The following TTBK2 variants were observed in gnomAD, a reference collection of about 807,000 sequenced individuals.
The protein encoded by TTBK2 is tau-tubulin kinase 2.
Under a neutral mutation model 110.8 loss-of-function variants are expected in TTBK2, and 28 were observed. That is an observed-to-expected ratio of 0.25 (90% CI 0.19 to 0.35). The LOEUF is 0.35. TTBK2 is among the 10% of genes least tolerant of loss of function. The probability of loss-of-function intolerance (pLI) is 1.00; values close to 1 mark genes in which losing one functional copy is unlikely to be tolerated. For synonymous variants in TTBK2, 532 were observed against 527.3 expected (o/e 1.01, Z -0.12); for missense variants, 1,369 against 1,500.3 (o/e 0.91, Z 1.45).
chr15:42,832,690 C>A (rs756885431), intron 4 of TTBK2, among the ~76,000 whole-genome samples: 24 of 152,218 alleles, frequency 1.6e-4, no homozygotes, highest in South Asian at 4.2e-4. Flanking sequence ...ACTTTACAGG[C>A]CATTCTGAGT....
intron 1 of TTBK2, among the ~76,000 whole-genome samples, chr15:42,907,633 G>A (rs1015217066): frequency 5.3e-5 from 8 of 152,050 alleles, no homozygotes; most frequent in African/African-American, 1.9e-4. Context: ...AAGATAGAGA[G>A]TAGATTGGTG....
chr15:42,872,506 T>G, intron 3 of TTBK2, 105 bp downstream of exon 3: 1 of 1,360,494 alleles, frequency 7.4e-7, no homozygotes, highest in Non-Finnish European at 1.0e-6. Flanking sequence ...CTGACACCAG[T>G]ACATTCAATT....
chr15:42,757,181 A>G (rs2061959059), intron 13 of TTBK2, among the ~76,000 whole-genome samples: 1 of 151,916 alleles, frequency 6.6e-6, no homozygotes, highest in African/African-American at 2.4e-5. Flanking sequence ...ATCACAGCTC[A>G]CTGCAGCCTC....
At chr15:42,909,105 T>C (rs1311467504) in intron 1 of TTBK2, among the ~76,000 whole-genome samples, 1 of 152,120 alleles carries the variant, frequency 6.6e-6, no homozygotes, top group Non-Finnish European at 1.5e-5. Flanking sequence ...CTGAATTCTG[T>C]TTTGTTGTTG....
In TTBK2 at chr15:42,816,091, T is replaced by A. The variant is rs1015464928; in HGVS notation, c.603+941A>T. Among the ~76,000 whole-genome samples the A allele has an allele frequency of 4.7e-3, 490 of 103,770 alleles. 6 individuals are homozygous for A. The highest frequency in any genetic ancestry group is 0.021 in the African/African-American group (442 of 21,056). The allele number at this position is 103,770 out of a possible 152,430, so 68.1% of individuals were successfully genotyped here. ...ATATAAAAATAAATAAATAAATATA[T>A]ATATATATATATATATATATATATA... On this transcript the variant is annotated intron_variant, in intron 7 of 14. Coordinates refer to ENST00000267890, the MANE Select transcript of TTBK2 (RefSeq NM_173500.4).
At chr15:42,763,106 A>ATATATATATATATATG (rs1567008457) in intron 13 of TTBK2, among the ~76,000 whole-genome samples, 1 of 113,520 alleles carries the variant, frequency 8.8e-6, no homozygotes, top group East Asian at 2.9e-4. Context: ...ATATATACGT[A>ATATATATATATATATG]TATATATATA....
intron 1 of TTBK2, among the ~76,000 whole-genome samples, chr15:42,906,607 A>T (rs1309206740): frequency 6.6e-6 from 1 of 152,222 alleles, no homozygotes; most frequent in Non-Finnish European, 1.5e-5. Context: ...ACACACCAGT[A>T]CACTGGTCTA....
intron 1 of TTBK2, among the ~76,000 whole-genome samples, chr15:42,897,938 C>T (rs1267461240): frequency 2.0e-5 from 3 of 151,926 alleles, no homozygotes; most frequent in Non-Finnish European, 4.4e-5. Flanking sequence ...GGCAGTAATC[C>T]TAGCACTTTG....
intron 7 of TTBK2, among the ~76,000 whole-genome samples, chr15:42,815,063 A>C (rs893563773): frequency 1.3e-5 from 2 of 152,256 alleles, no homozygotes; most frequent in Non-Finnish European, 2.9e-5. Flanking sequence ...CTTAAAAATA[A>C]TGTATTTTCA....
chr15:42,802,329 C>T (rs762634769), intron 9 of TTBK2: 3 of 771,286 alleles, frequency 3.9e-6, no homozygotes, highest in South Asian at 2.7e-5. Flanking sequence ...CAGGCCCACT[C>T]GTGTAGGAGA....
chr15:42,911,157 T>C (rs890572566), intron 1 of TTBK2, among the ~76,000 whole-genome samples: 5 of 152,108 alleles, frequency 3.3e-5, no homozygotes, highest in African/African-American at 9.7e-5. Flanking sequence ...AGGATTGTCA[T>C]ACAAAGTTTC....
At chr15:42,910,842 G>A (rs1281477942) in intron 1 of TTBK2, among the ~76,000 whole-genome samples, 3 of 151,936 alleles carry the variant, frequency 2.0e-5, no homozygotes, top group Non-Finnish European at 4.4e-5. Context: ...TGAGGAGTTC[G>A]AGACCAGCCT....
chr15:42,821,988 C>A (rs1055974523), intron 6 of TTBK2, among the ~76,000 whole-genome samples: 6 of 150,620 alleles, frequency 4.0e-5, no homozygotes, highest in Non-Finnish European at 8.9e-5. Context: ...CCATGCCCAG[C>A]CTCTTGCCAG....
At chr15:42,912,545 C>T (rs572745093) in intron 1 of TTBK2, among the ~76,000 whole-genome samples, 2 of 152,056 alleles carry the variant, frequency 1.3e-5, no homozygotes, top group East Asian at 3.9e-4. Flanking sequence ...CCCATCTCTA[C>T]TAAAAATGCA....
chr15:42,873,197 C>A (rs1357382245), intron 2 of TTBK2, among the ~76,000 whole-genome samples: 1 of 152,112 alleles, frequency 6.6e-6, no homozygotes, highest in African/African-American at 2.4e-5. Flanking sequence ...TTTGGGAGGC[C>A]AAGGCGGGCG....
rs531360269 is a variant in TTBK2 at position 42,791,105 on chromosome 15, T to C, written c.980+3539A>G. ...GGTTTCACTGTGTTAGCCAGGATGG[T>C]CTCGATCTGACCTCATGATCCGCCC... On this transcript the variant is annotated intron_variant, in intron 10 of 14. Transcript: ENST00000267890. Among the ~76,000 whole-genome samples, 16 of 152,222 alleles carry C rather than the reference T, an allele frequency of 1.1e-4. No homozygotes were observed. In the South Asian group the frequency reaches 1.5e-3, roughly 14 times the overall value.
chr15:42,832,570 T>C (rs1442881180), intron 4 of TTBK2, among the ~76,000 whole-genome samples: 1 of 152,196 alleles, frequency 6.6e-6, no homozygotes, highest in Non-Finnish European at 1.5e-5. Flanking sequence ...TGGTTATACA[T>C]GGTTTTACTT....
intron 1 of TTBK2, among the ~76,000 whole-genome samples, chr15:42,885,568 C>T (rs540142275): frequency 6.6e-6 from 1 of 152,316 alleles, no homozygotes; most frequent in South Asian, 2.1e-4. Context: ...GATTATTCAC[C>T]CACGTTTCAG....
intron 13 of TTBK2, among the ~76,000 whole-genome samples, chr15:42,764,499 C>T (rs1231263970): frequency 6.6e-6 from 1 of 152,280 alleles, no homozygotes. Context: ...GAGCCTTGCT[C>T]ACTGCTAGCG....
Sources: gnomAD v4.1 joint callset for allele counts (sites outside exome capture counted in the v4.1 genomes callset) on GRCh38, gnomAD v4.1.1 for gene constraint, MANE v1.5 for transcripts, NCBI Gene and HGNC (gene_info 2026-07-23, HGNC 2026-07-21) for gene names.